SETBP1: variants seen among roughly 807,000 people sequenced by gnomAD.
The protein encoded by SETBP1 is SET-binding protein.
A neutral mutation model predicts 101.0 loss-of-function variants in SETBP1; 9 were observed. That is an observed-to-expected ratio of 0.09 (90% CI 0.05 to 0.16). SETBP1 has a LOEUF of 0.16. Ranked by LOEUF, SETBP1 falls within the 10% of genes least tolerant of loss-of-function variation. The pLI, the probability that SETBP1 is intolerant of heterozygous loss-of-function variation, is 1.00. For missense variants in SETBP1, 1,858 were observed against 2,033.8 expected, an observed-to-expected ratio of 0.91 and a Z score of 1.66; for synonymous variants, 818 against 788.5, an observed-to-expected ratio of 1.04 and a Z score of -0.63.
At chr18:44,904,463 A>G (rs2070126407) in intron 3 of SETBP1, among the ~76,000 whole-genome samples, 2 of 152,164 alleles carry the variant, frequency 1.3e-5, no homozygotes, top group South Asian at 2.1e-4. Context: ...TGTTTTTCTC[A>G]TAGTCAAAGA....
intron 1 of SETBP1, among the ~76,000 whole-genome samples, chr18:44,691,910 T>C (rs752980677): frequency 1.2e-4 from 18 of 152,306 alleles, no homozygotes; most frequent in Non-Finnish European, 2.5e-4. Flanking sequence ...AAAAAGGAAC[T>C]TGCCCAAGGC....
chr18:44,688,743 G>A (rs1011608290), intron 1 of SETBP1, among the ~76,000 whole-genome samples: 5 of 152,096 alleles, frequency 3.3e-5, no homozygotes, highest in African/African-American at 1.2e-4. Context: ...ATGAGCCACC[G>A]CGCCTGGCCA....
At position 44,788,790 on chromosome 18, in the gene SETBP1, ATTTTTTTTT is replaced by A. The variant is rs34929410; in HGVS notation, c.487-80424_487-80416del. Among the ~76,000 whole-genome samples the A allele has an allele frequency of 1.6e-3, 127 of 80,428 alleles. 1 individual carries two copies. Among genetic ancestry groups the A allele is most frequent in the African/African-American group, 6.5e-3 (122 of 18,852 alleles). 52.8% of individuals were successfully genotyped at this position (80,428 alleles called of 152,430 possible). On this transcript the variant is annotated intron_variant, in intron 2 of 5. Coordinates refer to ENST00000649279, the MANE Select transcript of SETBP1 (RefSeq NM_015559.3). ...AACTGATTTTTTTTTTTCCTTTTTAATTTTTTTTTTTTTTTTTTTTTTTTGGAGACAGGA... is the reference window on the plus strand; with the variant it reads ...AACTGATTTTTTTTTTTCCTTTTTAATTTTTTTTTTTTTTTGGAGACAGGA...
chr18:44,913,863 G>A (rs761696526), intron 3 of SETBP1, among the ~76,000 whole-genome samples: 6 of 152,194 alleles, frequency 3.9e-5, no homozygotes, highest in Non-Finnish European at 7.3e-5. Flanking sequence ...TCCATTTTTA[G>A]TTACTGAAAA....
chr18:44,933,864 T>C (rs1177973409), intron 3 of SETBP1, among the ~76,000 whole-genome samples: 1 of 152,120 alleles, frequency 6.6e-6, no homozygotes, highest in Non-Finnish European at 1.5e-5. Context: ...TTCCCTTTGC[T>C]AGGAAAGGAA....
chr18:45,042,959 G>A (rs1184481124), intron 5 of SETBP1, among the ~76,000 whole-genome samples: 3 of 152,172 alleles, frequency 2.0e-5, no homozygotes, highest in African/African-American at 7.2e-5. Flanking sequence ...AGGGAGCATT[G>A]CATCATTATT....
chr18:45,008,797 G>A (rs2072779646), intron 4 of SETBP1, among the ~76,000 whole-genome samples: 1 of 152,156 alleles, frequency 6.6e-6, no homozygotes, highest in Non-Finnish European at 1.5e-5. Flanking sequence ...TGGGATTAGT[G>A]GTTAGCACTG....
At chr18:44,713,651 CA>C (rs1420285150) in intron 2 of SETBP1, among the ~76,000 whole-genome samples, 1 of 152,196 alleles carries the variant, frequency 6.6e-6, no homozygotes, top group Admixed American at 6.5e-5. Context: ...AACATGACCC[CA>C]AGCTGTACCA....
intron 2 of SETBP1, among the ~76,000 whole-genome samples, chr18:44,770,559 T>C (rs2070850777): frequency 6.6e-6 from 1 of 152,252 alleles, no homozygotes; most frequent in Non-Finnish European, 1.5e-5. Context: ...CTTGGATGTT[T>C]CATGACAAAT....
chr18:44,897,167 G>C (rs1296134296), intron 3 of SETBP1, among the ~76,000 whole-genome samples: 1 of 152,146 alleles, frequency 6.6e-6, no homozygotes, highest in Non-Finnish European at 1.5e-5. Flanking sequence ...CTGCTTTTAA[G>C]TTCTGCGGGG....
At chr18:44,957,814 A>G (rs1472807716) in intron 4 of SETBP1, among the ~76,000 whole-genome samples, 1 of 152,244 alleles carries the variant, frequency 6.6e-6, no homozygotes, top group African/African-American at 2.4e-5. Context: ...TTTCCTTAAA[A>G]TGGAATAAAA....
In SETBP1 at chr18:44,950,040, A is replaced by G; in HGVS notation, c.700A>G (p.Asn234Asp). The change falls in exon 4 of 6, where the codon AAT (asparagine) becomes GAT (aspartate). Residue 234 changes from asparagine to aspartate, a missense_variant. Transcript: ENST00000649279. The stretch of plus-strand genomic sequence containing the variant: ...CTCTGACAGCGGACCCGTCACTCAG[A>G]ATTGCTTCATCAGTCCAGAGTCTGG... ...TNSDSGPVTQNCFISPESGRE... is the reference protein window; with the variant it reads ...TNSDSGPVTQDCFISPESGRE... The G allele has an allele frequency of 1.2e-6, 2 of 1,614,210 alleles. No homozygotes were observed. The highest frequency in any genetic ancestry group is 8.5e-7 in the Non-Finnish European group (1 of 1,180,026).
chr18:44,794,125 T>C (rs2071422097), intron 2 of SETBP1, among the ~76,000 whole-genome samples: 1 of 152,090 alleles, frequency 6.6e-6, no homozygotes, highest in Admixed American at 6.5e-5. Flanking sequence ...AGGGGAGGGC[T>C]AAATAAGAGG....
intron 3 of SETBP1, among the ~76,000 whole-genome samples, chr18:44,900,905 G>C (rs899228211): frequency 5.3e-5 from 8 of 152,164 alleles, no homozygotes; most frequent in African/African-American, 1.7e-4. Flanking sequence ...GTGTGGATTT[G>C]AGTCCAAGCC....
chr18:44,752,389 G>T (rs1361169334), intron 2 of SETBP1, among the ~76,000 whole-genome samples: 1 of 152,150 alleles, frequency 6.6e-6, no homozygotes, highest in Non-Finnish European at 1.5e-5. Context: ...TATATGTCAT[G>T]GTTAGAGACC....
chr18:44,985,872 T>C (rs925427473), intron 4 of SETBP1, among the ~76,000 whole-genome samples: 5 of 152,238 alleles, frequency 3.3e-5, no homozygotes, highest in African/African-American at 1.2e-4. Context: ...TGTAAGACTT[T>C]TTGATTTAGA....
At chr18:44,797,036 A>G (rs925831739) in intron 2 of SETBP1, among the ~76,000 whole-genome samples, 1 of 152,130 alleles carries the variant, frequency 6.6e-6, no homozygotes, top group African/African-American at 2.4e-5. Flanking sequence ...TCTGCCAGTG[A>G]TGTATTAATT....
At chr18:45,057,888 G>A (rs1265489494) in intron 5 of SETBP1, among the ~76,000 whole-genome samples, 1 of 152,132 alleles carries the variant, frequency 6.6e-6, no homozygotes, top group African/African-American at 2.4e-5. Flanking sequence ...TGGCTCAGGG[G>A]GCCTACTGTA....
intron 2 of SETBP1, among the ~76,000 whole-genome samples, chr18:44,793,693 G>A (rs1271987776): frequency 1.3e-5 from 2 of 152,204 alleles, no homozygotes; most frequent in Non-Finnish European, 2.9e-5. Flanking sequence ...AGCCTAGATA[G>A]GGTACAAGAT....
Sources: allele counts gnomAD v4.1 joint callset (sites outside exome capture counted in the v4.1 genomes callset), GRCh38; gene constraint gnomAD v4.1.1; transcripts MANE v1.5; gene names NCBI Gene and HGNC (gene_info 2026-07-23, HGNC 2026-07-21).